Variants in EXT2 observed in about 807,000 individuals in gnomAD.
The protein encoded by EXT2 is exostosin-2.
EXT2 carries 53 observed loss-of-function variants against 81.6 expected under a neutral mutation model. That is an observed-to-expected ratio of 0.65 (90% confidence interval 0.52 to 0.82). EXT2 has a LOEUF of 0.82. EXT2 is among the 40% of genes least tolerant of loss of function. EXT2 has a pLI of 0.00. For synonymous variants in EXT2, 320 were observed against 340.0 expected (o/e 0.94, Z 0.65); for missense variants, 774 against 910.2 (o/e 0.85, Z 1.93).
intron 9 of EXT2, among the ~76,000 whole-genome samples, chr11:44,204,967 A>G (rs1955565334): frequency 6.6e-6 from 1 of 152,170 alleles, no homozygotes; most frequent in Non-Finnish European, 1.5e-5. Context: ...AAGAATAAGG[A>G]TGATTGCTGG....
intron 13 of EXT2, among the ~76,000 whole-genome samples, chr11:44,237,270 A>G (rs994454990): frequency 4.0e-5 from 6 of 151,550 alleles, no homozygotes; most frequent in African/African-American, 1.4e-4. Flanking sequence ...TCAAGCCTAG[A>G]GAATTTTTGT....
At chr11:44,146,825 G>T (rs1321965856) in intron 7 of EXT2, among the ~76,000 whole-genome samples, 1 of 152,172 alleles carries the variant, frequency 6.6e-6, no homozygotes, top group African/African-American at 2.4e-5. Flanking sequence ...TCCAGAAGGG[G>T]AAGGTTGAAG....
At chr11:44,186,085 T>TTTA in intron 8 of EXT2, among the ~76,000 whole-genome samples, 1 of 152,370 alleles carries the variant, frequency 6.6e-6, no homozygotes, top group East Asian at 1.9e-4. Context: ...TTTCAGTGTA[T>TTTA]TTATGAAGTA....
In EXT2 at chr11:44,108,034, A is replaced by G; in HGVS notation, c.322A>G (p.Ile108Val). Residue 108 changes from isoleucine to valine, a missense_variant, in exon 2 of 14, where the codon ATC becomes GTC. Ile to Val is a conservative substitution (Grantham distance 29). Coordinates refer to ENST00000533608, the MANE Select transcript of EXT2 (RefSeq NM_207122.2). ...FNPKNKIKVY[I>V]YALKKYVDDF... ...CCCAAAGAACAAAATCAAGGTGTATATCTATGCTCTGAAAAAGTACGTGGA... is the reference window on the plus strand; with the variant it reads ...CCCAAAGAACAAAATCAAGGTGTATGTCTATGCTCTGAAAAAGTACGTGGA... 6.2e-7 allele frequency: 1 copy of G among 1,614,192 alleles called. No homozygotes were observed. The highest frequency in any genetic ancestry group is 8.5e-7 in the Non-Finnish European group (1 of 1,180,044).
chr11:44,125,470 C>T (rs1954386956), intron 5 of EXT2, among the ~76,000 whole-genome samples: 1 of 152,132 alleles, frequency 6.6e-6, no homozygotes, highest in Admixed American at 6.6e-5. Flanking sequence ...TTAGCATCTC[C>T]TGTCAGTAGC....
rs765073924 is a variant in EXT2 at position 44,197,851 on chromosome 11, C to T, written c.1328C>T (p.Pro443Leu). Residue 443 changes from proline (P) to leucine (L), a missense_variant, in exon 9 of 14, where the codon CCA (proline) becomes CTA (leucine). This residue lies in a region of EXT2 where 626 missense variants were observed against 670.5 expected (regional missense o/e 0.93). Transcript: ENST00000533608. ...PAVKWGSVSN[P>L]LFLPLIPPQS... ...TAGAAGTGGGGCAGCGTGAGCAATC[C>T]ACTCTTCCTCCCGCTGATCCCACCA... is the stretch of plus-strand genomic sequence containing the variant. 3.7e-6 allele frequency: 6 copies of T among 1,614,026 alleles called. No homozygotes were observed. In the East Asian group the frequency reaches 1.3e-4, roughly 36 times the overall value.
At chr11:44,173,032 GA>G (rs1955099225) in intron 8 of EXT2, among the ~76,000 whole-genome samples, 1 of 152,132 alleles carries the variant, frequency 6.6e-6, no homozygotes, top group Non-Finnish European at 1.5e-5. Context: ...GAGGTGTTGA[GA>G]ATACAGAAAA....
At chr11:44,117,616 G>A (rs1008456092) in intron 4 of EXT2, among the ~76,000 whole-genome samples, 3 of 152,148 alleles carry the variant, frequency 2.0e-5, no homozygotes, top group African/African-American at 7.2e-5. Context: ...AAATCAACTG[G>A]CCATAGATAT....
chr11:44,149,413 C>T (rs1954763410), intron 7 of EXT2, among the ~76,000 whole-genome samples: 1 of 152,118 alleles, frequency 6.6e-6, no homozygotes, highest in Admixed American at 6.5e-5. Context: ...CTCTTTGTCC[C>T]ATGTTCTATT....
At chr11:44,098,260 G>A (rs1010734416) in intron 1 of EXT2, among the ~76,000 whole-genome samples, 2 of 152,134 alleles carry the variant, frequency 1.3e-5, no homozygotes, top group South Asian at 4.2e-4. Context: ...CTGTGCTTTG[G>A]CATGTGAAAA....
chr11:44,223,930 A>C (rs7104638), intron 10 of EXT2, among the ~76,000 whole-genome samples: 136,371 of 152,148 alleles, frequency 0.9, 61,229 homozygotes, highest in East Asian at 0.99. Flanking sequence ...GGATTACATG[A>C]GTGAGCCACT....
chr11:44,166,174 T>C (rs1263149763), intron 7 of EXT2, among the ~76,000 whole-genome samples: 1 of 152,162 alleles, frequency 6.6e-6, no homozygotes, highest in Admixed American at 6.5e-5. Context: ...AAAACAATTA[T>C]AGAACAGTAT....
intron 10 of EXT2, among the ~76,000 whole-genome samples, chr11:44,207,973 T>C (rs1027719658): frequency 6.6e-6 from 1 of 152,184 alleles, no homozygotes; most frequent in Non-Finnish European, 1.5e-5. Context: ...AATAGATTAA[T>C]AGATTGATGT....
At chr11:44,099,518 C>T (rs4418800) in intron 1 of EXT2, among the ~76,000 whole-genome samples, 50,455 of 151,296 alleles carry the variant, frequency 0.33, 8,785 homozygotes, top group Admixed American at 0.46. Flanking sequence ...GACAGGGTCT[C>T]GCTATGTTGC....
chr11:44,154,653 C>A (rs949615771), intron 7 of EXT2, among the ~76,000 whole-genome samples: 9 of 152,060 alleles, frequency 5.9e-5, no homozygotes, highest in East Asian at 3.9e-4. Flanking sequence ...GATATATATA[C>A]CTAGCATTGG....
At chr11:44,178,301 T>A (rs978059795) in intron 8 of EXT2, among the ~76,000 whole-genome samples, 4 of 152,226 alleles carry the variant, frequency 2.6e-5, no homozygotes, top group African/African-American at 9.6e-5. Flanking sequence ...TGGATATTGA[T>A]GCTGCTGGTC....
intron 7 of EXT2, among the ~76,000 whole-genome samples, chr11:44,162,635 C>G (rs567687188): frequency 6.4e-4 from 93 of 145,532 alleles, no homozygotes; most frequent in Non-Finnish European, 1.2e-3. Context: ...TAGACAAATA[C>G]TGAAACCTAC....
intron 13 of EXT2, 62 bp from the exon 14 acceptor site, chr11:44,244,087 T>G (rs1029599831): frequency 2.3e-5 from 33 of 1,448,980 alleles, no homozygotes; most frequent in Non-Finnish European, 3.1e-5. Flanking sequence ...CTTTTCTCCC[T>G]GCCCCCATCC....
At chr11:44,194,442 T>G (rs1319819401) in intron 8 of EXT2, among the ~76,000 whole-genome samples, 3 of 152,148 alleles carry the variant, frequency 2.0e-5, no homozygotes, top group African/African-American at 7.2e-5. Flanking sequence ...CACACTTGAA[T>G]TTTCCAAAGT....
Sources: gnomAD v4.1 joint callset for allele counts (sites outside exome capture counted in the v4.1 genomes callset) on GRCh38, gnomAD v4.1.1 for gene constraint, gnomAD v4.1.1 regional missense constraint, MANE v1.5 for transcripts, NCBI Gene and HGNC (gene_info 2026-07-23, HGNC 2026-07-21) for gene names.